Variants in KCNG2 observed in about 807,000 individuals in gnomAD.
KCNG2 encodes voltage-gated potassium channel regulatory subunit KCNG2.
Under a neutral mutation model 12.3 loss-of-function variants are expected in KCNG2, and 7 were observed. The ratio of observed to expected loss-of-function variants is 0.57; its 90% CI spans 0.32 to 1.07. KCNG2 has a LOEUF of 1.07. Among genes scored for constraint, KCNG2 ranks in the 50% least tolerant of loss-of-function variants. The pLI, the probability that KCNG2 is intolerant of heterozygous loss-of-function variation, is 0.04. For missense variants in KCNG2, 703 were observed against 726.0 expected (o/e 0.97, Z 0.36); for synonymous variants, 414 against 351.4 (o/e 1.18, Z -1.99).
chr18:79,846,936 G>A (rs1978648704), intron 1 of KCNG2, among the ~76,000 whole-genome samples: 1 of 152,072 alleles, frequency 6.6e-6, no homozygotes, highest in Admixed American at 6.5e-5. Context: ...AGGTCGCAAG[G>A]GTCTCATTTC....
chr18:79,863,789 CGCGCCTGGA>C lies in KCNG2; in HGVS notation c.130_138del (p.Glu44_Leu46del). 1 of 1,291,204 alleles carries C rather than the reference CGCGCCTGGA, an allele frequency of 7.7e-7. No individual in the cohort carries two copies. Among genetic ancestry groups the C allele is most frequent in the Non-Finnish European group, 9.9e-7 (1 of 1,014,020 alleles). 80.0% of individuals were successfully genotyped at this position (1,291,204 alleles called of 1,614,324 possible). A position where few individuals can be genotyped will look rare whatever the true frequency, so the allele number is the denominator to read the frequency against. ...GCCGCGCTGGCGCGATGCCCCCTCG[CGCGCCTGGA>C]GCGCCTGCGCGCCTGCCGCGGCCAC... is the stretch of plus-strand genomic sequence containing the variant. On this transcript the variant is annotated inframe_deletion, in exon 3 of 4. Coordinates refer to ENST00000316249, the MANE Select transcript of KCNG2 (RefSeq NM_012283.2).
intron 1 of KCNG2, among the ~76,000 whole-genome samples, chr18:79,824,936 A>G (rs1175072170): frequency 1.3e-5 from 2 of 152,132 alleles, no homozygotes; most frequent in African/African-American, 4.8e-5. Context: ...TCTTCTTATT[A>G]TATTTGGTTT....
At position 79,869,084 on chromosome 18, in the gene KCNG2, C is replaced by A. The variant is rs139094293; in HGVS notation, c.624+4793C>A. On this transcript the variant is annotated intron_variant, in intron 3 of 3. Transcript: ENST00000316249. ...GGTGGGGATGCAGGAGCCGTGAGCACCCCTACACACAGCCCTGCAGACACT... is the reference window on the plus strand; with the variant it reads ...GGTGGGGATGCAGGAGCCGTGAGCAACCCTACACACAGCCCTGCAGACACT... Among the ~76,000 whole-genome samples, 82 of 152,280 alleles carry A rather than the reference C, an allele frequency of 5.4e-4. No individual in the cohort carries two copies. The East Asian group carries it at 0.01, about 19-fold the overall frequency.
At chr18:79,892,310 A>G (rs1980771994) in intron 3 of KCNG2, among the ~76,000 whole-genome samples, 1 of 152,176 alleles carries the variant, frequency 6.6e-6, no homozygotes, top group African/African-American at 2.4e-5. Flanking sequence ...CTCTAATAAT[A>G]TTTTTTGTTT....
intron 1 of KCNG2, among the ~76,000 whole-genome samples, chr18:79,825,543 C>T (rs1026138338): frequency 2.6e-5 from 4 of 152,232 alleles, no homozygotes; most frequent in Admixed American, 2.6e-4. Flanking sequence ...GTTACAGAAG[C>T]TCCCCTCAGC....
At chr18:79,859,834 C>T (rs922427404) in intron 2 of KCNG2, among the ~76,000 whole-genome samples, 3 of 152,192 alleles carry the variant, frequency 2.0e-5, no homozygotes, top group Non-Finnish European at 2.9e-5. Context: ...TTTTATGTCT[C>T]TCTTTACACT....
intron 2 of KCNG2, among the ~76,000 whole-genome samples, chr18:79,862,695 T>C (rs1198387694): frequency 6.6e-6 from 1 of 152,256 alleles, no homozygotes; most frequent in African/African-American, 2.4e-5. Flanking sequence ...TTGTTTAGCC[T>C]GTGGCGGCAA....
At chr18:79,891,075 G>T (rs1446624828) in intron 3 of KCNG2, among the ~76,000 whole-genome samples, 1 of 151,980 alleles carries the variant, frequency 6.6e-6, no homozygotes, top group Non-Finnish European at 1.5e-5. Flanking sequence ...TCTCATCTTT[G>T]TTATTTCCTT....
Position 79,899,495 on chromosome 18 carries a change from TTGG to T in KCNG2, c.1084_1086del (p.Trp362del). 1.2e-6 allele frequency: 2 copies of T among 1,607,774 alleles called. No individual in the cohort carries two copies. The highest frequency in any genetic ancestry group is 2.2e-5 in the South Asian group (2 of 90,126). On this transcript the variant is annotated inframe_deletion, in exon 4 of 4. Coordinates refer to ENST00000316249, the MANE Select transcript of KCNG2 (RefSeq NM_012283.2). ...ACTTCTCCAGCGTGCCCGCCAGCTA[TTGG>T]TGGGCCGTCATCTCCATGACCACCG...
At chr18:79,895,293 G>T (rs548561133) in intron 3 of KCNG2, among the ~76,000 whole-genome samples, 1 of 149,322 alleles carries the variant, frequency 6.7e-6, no homozygotes, top group South Asian at 2.2e-4. Context: ...CTTTTGATTG[G>T]ATTGTTCACT....
intron 1 of KCNG2, among the ~76,000 whole-genome samples, chr18:79,835,334 A>G (rs940869091): frequency 6.6e-6 from 1 of 152,260 alleles, no homozygotes; most frequent in Non-Finnish European, 1.5e-5. Flanking sequence ...AAGGACAGTC[A>G]ACGGCCATTG....
At chr18:79,852,875 A>G (rs1978874083) in intron 1 of KCNG2, among the ~76,000 whole-genome samples, 1 of 152,262 alleles carries the variant, frequency 6.6e-6, no homozygotes, top group South Asian at 2.1e-4. Context: ...TCTGGTACAA[A>G]GCAATGTCCG....
chr18:79,836,847 A>G (rs1390513980), intron 1 of KCNG2, among the ~76,000 whole-genome samples: 1 of 152,214 alleles, frequency 6.6e-6, no homozygotes, highest in Non-Finnish European at 1.5e-5. Context: ...CATGAGGATG[A>G]CAATTCAAGC....
At chr18:79,798,132 T>G (rs983278972) in intron 1 of KCNG2, among the ~76,000 whole-genome samples, 118 bp downstream of exon 1, 1 of 149,976 alleles carries the variant, frequency 6.7e-6, no homozygotes, top group Non-Finnish European at 1.5e-5. Context: ...GCGCGCAGCT[T>G]CTTCTCCGGG....
At chr18:79,821,278 T>C (rs1045375659) in intron 1 of KCNG2, among the ~76,000 whole-genome samples, 5 of 139,562 alleles carry the variant, frequency 3.6e-5, no homozygotes, top group African/African-American at 1.3e-4. Context: ...CAACCCATTT[T>C]TACTTGAATT....
chr18:79,800,257 G>T lies in KCNG2; in HGVS notation c.-115+2243G>T, dbSNP rs565782514. The stretch of plus-strand genomic sequence containing the variant: ...GAGGACACGCAGGGCATCCAGGGAC[G>T]GCCACCTGTGTCTGAGTACTGCGCG... On this transcript the variant is annotated intron_variant, in intron 1 of 3. Transcript: ENST00000316249. This position sits in a 1 kb window ranked among gnomAD's most constrained non-coding sequence, Gnocchi z 4.0. Among the ~76,000 whole-genome samples, 2 of 152,246 alleles carry T rather than the reference G, an allele frequency of 1.3e-5. No homozygotes were observed. The highest frequency in any genetic ancestry group is 4.8e-5 in the African/African-American group (2 of 41,544).
chr18:79,864,552 A>G (rs1297445565), intron 3 of KCNG2, among the ~76,000 whole-genome samples: 1 of 152,192 alleles, frequency 6.6e-6, no homozygotes, highest in Admixed American at 6.5e-5. Context: ...TCGGTTTCCG[A>G]CGCAGCATCC....
rs757906993 is a variant in KCNG2, at chr18:79,899,063, C to T, written c.648C>T (p.Arg216=). ...EERGECSPKC[R]SLFVLETVCV... ...AGGGCGAGTGCTCCCCCAAGTGCCG[C>T]AGCCTGTTCGTGCTGGAGACCGTGT... Residue 216 remains arginine (R), a synonymous_variant, in exon 4 of 4, where the codon CGC becomes CGT. Transcript: ENST00000316249. 4 of 1,583,080 alleles carry T rather than the reference C, an allele frequency of 2.5e-6. No homozygotes were observed. Among genetic ancestry groups the T allele is most frequent in the Non-Finnish European group, 3.4e-6 (4 of 1,168,204 alleles).
chr18:79,801,681 C>A (rs1163316745), intron 1 of KCNG2, among the ~76,000 whole-genome samples: 1 of 152,234 alleles, frequency 6.6e-6, no homozygotes, highest in Non-Finnish European at 1.5e-5. Context: ...AACCTTCAGG[C>A]TGATCTGAAT....
Sources: gnomAD v4.1 joint callset for allele counts (sites outside exome capture counted in the v4.1 genomes callset) on GRCh38, gnomAD v4.1.1 for gene constraint, Gnocchi (gnomAD v3.1) non-coding constraint, MANE v1.5 for transcripts, NCBI Gene and HGNC (gene_info 2026-07-23, HGNC 2026-07-21) for gene names.